TMPRSS2: variants seen among roughly 807,000 people sequenced by gnomAD.
The protein encoded by TMPRSS2 is transmembrane serine protease 2, also known as transmembrane protease serine 2.
TMPRSS2 carries 59 observed loss-of-function variants against 67.4 expected under a neutral mutation model. The observed-to-expected ratio is 0.88, with a 90% CI of 0.71 to 1.09. The LOEUF is 1.09. Among genes scored for constraint, TMPRSS2 ranks in the 50% least tolerant of loss-of-function variants. The probability of loss-of-function intolerance (pLI) is 0.00; values close to 1 mark genes in which losing one functional copy is unlikely to be tolerated. For missense variants in TMPRSS2, 668 were observed against 642.7 expected (o/e 1.04, Z -0.43); for synonymous variants, 257 against 257.0 (o/e 1.00, Z 0.00).
At chr21:41,489,637 A>G (rs1242717650) in intron 3 of TMPRSS2, 44 bp from the exon 4 acceptor site, 1 of 1,367,948 alleles carries the variant, frequency 7.3e-7, no homozygotes, top group Non-Finnish European at 1.0e-6. Flanking sequence ...AGAGTTGTTT[A>G]GAAGTCATGC....
chr21:41,502,898 C>T (rs1183883665), intron 1 of TMPRSS2, among the ~76,000 whole-genome samples: 1 of 152,086 alleles, frequency 6.6e-6, no homozygotes, highest in Non-Finnish European at 1.5e-5. Context: ...CTCTCTCTTT[C>T]TGTTTGTTTT....
At chr21:41,501,649 A>C (rs1446591821) in intron 1 of TMPRSS2, among the ~76,000 whole-genome samples, 2 of 149,590 alleles carry the variant, frequency 1.3e-5, no homozygotes, top group Non-Finnish European at 3.0e-5. Context: ...AACAACAACA[A>C]CATTCTCCAA....
Position 41,467,798 on chromosome 21 carries a change from G to T in TMPRSS2, c.1403C>A (p.Ala468Asp). The T allele has an allele frequency of 1.2e-6, 2 of 1,614,228 alleles. No homozygotes were observed. The highest frequency in any genetic ancestry group is 2.2e-5 in the South Asian group (2 of 91,082). Residue 468 changes from alanine (A) to aspartate (D), a missense_variant, in exon 13 of 14, where the codon GCT (alanine) becomes GAT (aspartate). Ala to Asp is a moderately radical substitution (Grantham distance 126). Coordinates refer to ENST00000332149, the MANE Select transcript of TMPRSS2 (RefSeq NM_005656.4). ...DTSWGSGCAK[A>D]YRPGVYGNVM... Reference sequence around the variant, plus strand: ...ATTCCCGTACACTCCTGGTCTGTAAGCTTTGGCACAGCCAGAACCCCAGCT... The same window carrying T: ...ATTCCCGTACACTCCTGGTCTGTAATCTTTGGCACAGCCAGAACCCCAGCT...
chr21:41,495,067 C>CAAAAAAAAAAAAAAAAT (rs3037875), intron 2 of TMPRSS2, among the ~76,000 whole-genome samples: 1 of 136,886 alleles, frequency 7.3e-6, no homozygotes, highest in Non-Finnish European at 1.6e-5. Flanking sequence ...GACTATGTCT[C>CAAAAAAAAAAAAAAAAT]AAAAAAAAAA....
At chr21:41,497,489 T>C (rs1358553345) in intron 2 of TMPRSS2, among the ~76,000 whole-genome samples, 1 of 152,174 alleles carries the variant, frequency 6.6e-6, no homozygotes, top group Non-Finnish European at 1.5e-5. Flanking sequence ...TCCTGAGCAG[T>C]GGACTTGAAA....
intron 5 of TMPRSS2, among the ~76,000 whole-genome samples, chr21:41,483,031 C>A (rs2091268155): frequency 6.6e-6 from 1 of 152,118 alleles, no homozygotes. Flanking sequence ...GGCTGTACAG[C>A]ATTATGCATT....
Position 41,467,729 on chromosome 21 carries a change from G to C in TMPRSS2, c.1467+5C>G. The C allele has an allele frequency of 1.2e-6, 2 of 1,614,088 alleles. No individual in the cohort carries two copies. The highest frequency in any genetic ancestry group is 8.5e-7 in the Non-Finnish European group (1 of 1,179,954). On this transcript the variant is annotated splice_donor_5th_base_variant and intron_variant, in intron 13 of 13. Transcript: ENST00000332149. ...ACACAGTCAGAAGGAGGACAGGATAGTTACCCTCATTTGTCGATAAATCCA... is the reference window on the plus strand; with the variant it reads ...ACACAGTCAGAAGGAGGACAGGATACTTACCCTCATTTGTCGATAAATCCA...
At chr21:41,489,744 A>C in intron 3 of TMPRSS2, 151 bp from the exon 4 acceptor site, 1 of 602,022 alleles carries the variant, frequency 1.7e-6, no homozygotes, top group Non-Finnish European at 2.9e-6. Context: ...AAGAAATATC[A>C]TGGACGATCC....
intron 2 of TMPRSS2, 35 bp downstream of exon 2, chr21:41,498,084 A>G (rs1345098448): frequency 6.6e-7 from 1 of 1,504,898 alleles, no homozygotes; most frequent in East Asian, 2.3e-5. Context: ...AAGGGAACAA[A>G]GAAAAGGCCA....
intron 5 of TMPRSS2, chr21:41,487,810 T>A (rs893920678): frequency 6.6e-6 from 1 of 152,256 alleles, no homozygotes; most frequent in African/African-American, 2.4e-5. Context: ...TTAATTAATT[T>A]ATTTTTTGAG....
intron 7 of TMPRSS2, 99 bp from the exon 8 acceptor site, chr21:41,476,719 T>C: frequency 9.3e-7 from 1 of 1,076,038 alleles, no homozygotes; most frequent in Non-Finnish European, 1.4e-6. Flanking sequence ...TTCCCTCTCC[T>C]GTCTTCTGAG....
At chr21:41,507,706 C>T (rs1440995477) in intron 1 of TMPRSS2, among the ~76,000 whole-genome samples, 2 of 152,228 alleles carry the variant, frequency 1.3e-5, no homozygotes, top group Admixed American at 1.3e-4. Flanking sequence ...ACCGGTGCTC[C>T]CAGGCGGGGG....
intron 5 of TMPRSS2, 78 bp downstream of exon 5, chr21:41,488,316 C>T (rs2091312146): frequency 1.3e-6 from 2 of 1,544,000 alleles, no homozygotes; most frequent in Non-Finnish European, 1.8e-6. Context: ...CAGGCCCAGT[C>T]ACCCAAAGGC....
chr21:41,468,070 C>A, intron 12 of TMPRSS2, 184 bp from the exon 13 acceptor site: 2 of 647,610 alleles, frequency 3.1e-6, no homozygotes, highest in Non-Finnish European at 5.3e-6. Flanking sequence ...AAGAGATAGC[C>A]CCCATCCTGA....
chr21:41,494,616 T>C, intron 2 of TMPRSS2, 38 bp from the exon 3 acceptor site: 2 of 1,573,416 alleles, frequency 1.3e-6, no homozygotes, highest in Non-Finnish European at 1.7e-6. Flanking sequence ...TATAAAACTC[T>C]TATTTGCACT....
chr21:41,505,811 G>A (rs1292708838), intron 1 of TMPRSS2, among the ~76,000 whole-genome samples: 3 of 152,134 alleles, frequency 2.0e-5, no homozygotes, highest in African/African-American at 7.2e-5. Context: ...AAAGGAATCC[G>A]TACTGTGCCG....
Position 41,470,750 on chromosome 21 carries a change from C to T in TMPRSS2, c.1076-7G>A. ...CACACTGGTTTCACTAGGTCTGTTT[C>T]AAGAAGAGAAAACACAGTGAGCCAG... is the stretch of plus-strand genomic sequence containing the variant. On this transcript the variant is annotated splice_region_variant and splice_polypyrimidine_tract_variant and intron_variant, in intron 10 of 13. Transcript: ENST00000332149. The T allele has an allele frequency of 6.2e-7, 1 of 1,612,774 alleles. No individual in the cohort carries two copies. Among genetic ancestry groups the T allele is most frequent in the Non-Finnish European group, 8.5e-7 (1 of 1,179,814 alleles).
intron 10 of TMPRSS2, 39 bp downstream of exon 10, chr21:41,471,767 A>G: frequency 3.2e-6 from 5 of 1,547,792 alleles, no homozygotes; most frequent in Non-Finnish European, 4.4e-6. Context: ...TCTCTTTAAG[A>G]TTCTGCCAAC....
At chr21:41,477,231 G>A (rs1032351640) in intron 7 of TMPRSS2, among the ~76,000 whole-genome samples, 7 of 152,170 alleles carry the variant, frequency 4.6e-5, no homozygotes, top group Non-Finnish European at 1.0e-4. Context: ...TGTGCTCTGC[G>A]GAACCTGAAT....
Sources: allele counts gnomAD v4.1 joint callset (sites outside exome capture counted in the v4.1 genomes callset), GRCh38; gene constraint gnomAD v4.1.1; transcripts MANE v1.5; gene names NCBI Gene and HGNC (gene_info 2026-07-23, HGNC 2026-07-21).